CDC5L: variants seen among roughly 807,000 people sequenced by gnomAD.
CDC5L encodes cell division cycle 5-like protein.
Under a neutral mutation model 104.1 loss-of-function variants are expected in CDC5L, and 18 were observed. The observed-to-expected ratio is 0.17, with a 90% CI of 0.12 to 0.26. CDC5L has a LOEUF of 0.26. Among genes scored for constraint, CDC5L ranks in the 10% least tolerant of loss-of-function variants. CDC5L has a pLI of 1.00. For synonymous variants in CDC5L, 331 were observed against 322.7 expected (o/e 1.03, Z -0.28); for missense variants, 673 against 956.9 (o/e 0.70, Z 3.91).
rs58276767 is a variant in CDC5L at position 44,388,157 on chromosome 6, GC to G, written c.45+297del. Among the ~76,000 whole-genome samples the G allele has an allele frequency of 5.8e-3, 510 of 88,224 alleles. 20 individuals carry two copies. The highest frequency in any genetic ancestry group is 0.025 in the African/African-American group (470 of 18,674). The allele number at this position is 88,224 out of a possible 152,430, so 57.9% of individuals were successfully genotyped here. Reference sequence around the variant, plus strand: ...ACGCCCCCTCCCACCCCGCCCCCCCGCCCCCCCCGGCCCCGGGAAGAACTCA... The same window carrying G: ...ACGCCCCCTCCCACCCCGCCCCCCCGCCCCCCCGGCCCCGGGAAGAACTCA... On this transcript the variant is annotated intron_variant, in intron 1 of 15. Transcript: ENST00000371477.
At chr6:44,416,675 C>CAGCT (rs1214324614) in intron 8 of CDC5L, among the ~76,000 whole-genome samples, 5 of 152,212 alleles carry the variant, frequency 3.3e-5, no homozygotes, top group Non-Finnish European at 7.3e-5. Context: ...ACATAGGAGA[C>CAGCT]AGCTCTCAGA....
intron 4 of CDC5L, among the ~76,000 whole-genome samples, chr6:44,395,928 T>C (rs1446182261): frequency 6.6e-6 from 1 of 152,216 alleles, no homozygotes; most frequent in Non-Finnish European, 1.5e-5. Flanking sequence ...TTAAATAGTT[T>C]TTACCCTATT....
chr6:44,404,752 G>A (rs1045650271), intron 6 of CDC5L, among the ~76,000 whole-genome samples: 1 of 152,066 alleles, frequency 6.6e-6, no homozygotes, highest in Non-Finnish European at 1.5e-5. Flanking sequence ...CTGGAGTGCA[G>A]TGGCATGATC....
At chr6:44,414,984 C>A (rs1791844529) in intron 8 of CDC5L, among the ~76,000 whole-genome samples, 1 of 152,122 alleles carries the variant, frequency 6.6e-6, no homozygotes, top group South Asian at 2.1e-4. Context: ...TACCTTCATT[C>A]TTGGGCATGT....
At chr6:44,404,515 G>GT (rs1299424359) in intron 6 of CDC5L, among the ~76,000 whole-genome samples, 1 of 152,160 alleles carries the variant, frequency 6.6e-6, no homozygotes, top group Non-Finnish European at 1.5e-5. Context: ...ATCAGGGACT[G>GT]TGGCTATCAC....
At chr6:44,430,272 T>C (rs1423695422) in intron 14 of CDC5L, among the ~76,000 whole-genome samples, 1 of 151,858 alleles carries the variant, frequency 6.6e-6, no homozygotes, top group African/African-American at 2.4e-5. Context: ...TGAAGAGGAA[T>C]CTCAGCAGTA....
At chr6:44,405,075 T>A (rs546091899) in intron 6 of CDC5L, among the ~76,000 whole-genome samples, 1 of 152,340 alleles carries the variant, frequency 6.6e-6, no homozygotes, top group Admixed American at 6.5e-5. Flanking sequence ...ATCCTTTCAC[T>A]TGATGGGATA....
chr6:44,444,514 C>T (rs1407353442), intron 14 of CDC5L, among the ~76,000 whole-genome samples: 1 of 152,082 alleles, frequency 6.6e-6, no homozygotes. Flanking sequence ...AGTTCCTGCT[C>T]AGGCTGCCTG....
At chr6:44,396,016 C>T (rs753592910) in intron 4 of CDC5L, among the ~76,000 whole-genome samples, 5 of 152,158 alleles carry the variant, frequency 3.3e-5, no homozygotes, top group African/African-American at 4.8e-5. Flanking sequence ...TGAATGCTTG[C>T]GAGATGCTTT....
At chr6:44,435,650 A>G (rs1427425809) in intron 14 of CDC5L, 1 of 153,020 alleles carries the variant, frequency 6.5e-6, no homozygotes, top group East Asian at 2.1e-4. Context: ...GCACAACTGC[A>G]TGGCATCGTC....
Position 44,419,513 on chromosome 6 carries a change from C to G in CDC5L, c.1157C>G (p.Pro386Arg). The G allele has an allele frequency of 1.2e-6, 2 of 1,613,742 alleles. No homozygotes were observed. Among genetic ancestry groups the G allele is most frequent in the Non-Finnish European group, 1.7e-6 (2 of 1,179,630 alleles). ...CCATTGAAAGGTGGACTTAATACCC[C>G]ATTGCATGAGAGTGACTTCTCAGGT... ...DTPLKGGLNT[P>R]LHESDFSGVT... Residue 386 changes from proline to arginine, a missense_variant, in exon 9 of 16, where the codon CCA becomes CGA. Physicochemically the swap from Pro to Arg is moderately radical, Grantham distance 103 (BLOSUM62 -2). Around this residue, in one of 4 missense-constraint regions of CDC5L, gnomAD observed 578 missense variants for 737.0 expected, o/e 0.78. Coordinates refer to ENST00000371477, the MANE Select transcript of CDC5L (RefSeq NM_001253.4).
chr6:44,393,024 A>G (rs901422979), intron 3 of CDC5L, among the ~76,000 whole-genome samples, 196 bp downstream of exon 3: 1 of 152,216 alleles, frequency 6.6e-6, no homozygotes, highest in Non-Finnish European at 1.5e-5. Context: ...TTCCTAAAAT[A>G]ATAATTTAAA....
At chr6:44,397,031 G>C (rs1247329635) in intron 5 of CDC5L, among the ~76,000 whole-genome samples, 1 of 152,142 alleles carries the variant, frequency 6.6e-6, no homozygotes, top group Non-Finnish European at 1.5e-5. Flanking sequence ...GGTTTTTATG[G>C]AGGCTTCATT....
chr6:44,422,257 A>G (rs1210449298), intron 9 of CDC5L, among the ~76,000 whole-genome samples: 2 of 152,220 alleles, frequency 1.3e-5, no homozygotes, highest in Non-Finnish European at 2.9e-5. Context: ...ACAGCTTGAT[A>G]GGGAGGGAGG....
chr6:44,402,678 A>G (rs1001950112), intron 5 of CDC5L, among the ~76,000 whole-genome samples: 1 of 152,206 alleles, frequency 6.6e-6, no homozygotes, highest in Admixed American at 6.5e-5. Context: ...TCCAATGACT[A>G]TCGTTATTAA....
At chr6:44,426,049 A>G in intron 11 of CDC5L, 54 bp from the exon 12 acceptor site, 1 of 1,198,882 alleles carries the variant, frequency 8.3e-7, no homozygotes, top group Non-Finnish European at 1.2e-6. Context: ...AGCTTTACTG[A>G]GAGATATCAA....
At chr6:44,427,699 G>T (rs369176741) in intron 13 of CDC5L, among the ~76,000 whole-genome samples, 2 of 152,060 alleles carry the variant, frequency 1.3e-5, no homozygotes, top group African/African-American at 2.4e-5. Flanking sequence ...AGTGCAGTAG[G>T]GAAACTAACA....
intron 9 of CDC5L, among the ~76,000 whole-genome samples, chr6:44,421,620 CAACT>C (rs1561975267): frequency 6.6e-6 from 1 of 152,114 alleles, no homozygotes; most frequent in Non-Finnish European, 1.5e-5. Flanking sequence ...TGAATTCAAC[CAACT>C]GTGGATAAAA....
rs1166551855 is a variant in CDC5L at position 44,419,590 on chromosome 6, CCATT to C, written c.1237_1240del (p.Phe413GlyfsTer10). On this transcript the variant is annotated frameshift_variant, in exon 9 of 16. Coordinates refer to ENST00000371477, the MANE Select transcript of CDC5L (RefSeq NM_001253.4). LOFTEE classifies it high-confidence loss of function. ...GACTCCAAACACAGTTCTCTCTACT[CCATT>C]CAGGTATTGTAAATGAACACGTTTT... 6.2e-7 allele frequency: 1 copy of C among 1,611,836 alleles called. No homozygotes were observed. Among genetic ancestry groups the C allele is most frequent in the Non-Finnish European group, 8.5e-7 (1 of 1,178,338 alleles).
Sources: gnomAD v4.1 joint callset for allele counts (sites outside exome capture counted in the v4.1 genomes callset) on GRCh38, gnomAD v4.1.1 for gene constraint, gnomAD v4.1.1 regional missense constraint, MANE v1.5 for transcripts, NCBI Gene and HGNC (gene_info 2026-07-23, HGNC 2026-07-21) for gene names.